The following TMEM150C variants were observed in gnomAD, a reference collection of about 807,000 sequenced individuals.
TMEM150C encodes the protein transmembrane protein 150C, also known as tentonin 3.
A neutral mutation model predicts 29.9 loss-of-function variants in TMEM150C; 10 were observed. The observed-to-expected ratio is 0.33, with a 90% CI of 0.21 to 0.57. The LOEUF is 0.57. Ranked by LOEUF, TMEM150C falls within the 20% of genes least tolerant of loss-of-function variation. The pLI, the probability that TMEM150C is intolerant of heterozygous loss-of-function variation, is 0.88. For synonymous variants in TMEM150C, 101 were observed against 112.5 expected, an observed-to-expected ratio of 0.90 and a Z score of 0.64; for missense variants, 251 against 303.6, an observed-to-expected ratio of 0.83 and a Z score of 1.29.
chr4:82,538,903 A>G (rs1205247746), intron 1 of TMEM150C, among the ~76,000 whole-genome samples: 1 of 152,006 alleles, frequency 6.6e-6, no homozygotes. Context: ...TATACCAAAA[A>G]TATTATACAA....
At chr4:82,558,164 G>T (rs1725800887) in intron 1 of TMEM150C, among the ~76,000 whole-genome samples, 2 of 152,048 alleles carry the variant, frequency 1.3e-5, no homozygotes, top group African/African-American at 4.8e-5. Context: ...AGGAAATATG[G>T]GGAGAAAATT....
intron 2 of TMEM150C, 33 bp downstream of exon 2, chr4:82,504,545 A>T: frequency 1.3e-6 from 2 of 1,577,562 alleles, no homozygotes; most frequent in African/African-American, 1.3e-5. Flanking sequence ...ATTGCACCTG[A>T]ATCCTTAAAT....
intron 5 of TMEM150C, among the ~76,000 whole-genome samples, chr4:82,502,350 AT>A (rs1202720789): frequency 6.6e-6 from 1 of 152,152 alleles, no homozygotes; most frequent in Non-Finnish European, 1.5e-5. Context: ...AAGCCCATGC[AT>A]TTTTTTCATC....
intron 5 of TMEM150C, among the ~76,000 whole-genome samples, chr4:82,499,966 G>A (rs1054935925): frequency 6.6e-6 from 1 of 152,126 alleles, no homozygotes; most frequent in South Asian, 2.1e-4. Flanking sequence ...GAAGGAGGGA[G>A]AGTGGCTGCT....
chr4:82,488,079 C>G (rs771045783), intron 7 of TMEM150C, among the ~76,000 whole-genome samples: 1 of 152,106 alleles, frequency 6.6e-6, no homozygotes, highest in East Asian at 1.9e-4. Flanking sequence ...GTCTTTTATC[C>G]CTCATCCCCC....
chr4:82,491,079 C>A, intron 6 of TMEM150C: 1 of 712,862 alleles, frequency 1.4e-6, no homozygotes, highest in South Asian at 1.4e-5. Context: ...CTTGATAATG[C>A]AGCAAGAGAC....
Position 82,549,907 on chromosome 4 carries a change from G to A in TMEM150C, c.-11+11999C>T, listed in dbSNP as rs536891906. ...AGAGGTACAGGACCACAGAAGAGAG[G>A]AATATAATAATAGAGCAAAAACCCT... On this transcript the variant is annotated intron_variant, in intron 1 of 7. Coordinates refer to ENST00000449862, the MANE Select transcript of TMEM150C (RefSeq NM_001080506.3). 3.9e-5 allele frequency among the ~76,000 whole-genome samples: 6 copies of A among 152,284 alleles called. No individual in the cohort carries two copies. The South Asian group carries it at 1.2e-3, about 32-fold the overall frequency.
intron 1 of TMEM150C, among the ~76,000 whole-genome samples, chr4:82,541,943 T>C (rs1292513147): frequency 6.6e-6 from 1 of 152,202 alleles, no homozygotes; most frequent in East Asian, 1.9e-4. Flanking sequence ...GTCTGGACTC[T>C]AGGGCTATAC....
At chr4:82,515,084 G>A (rs760985311) in intron 1 of TMEM150C, among the ~76,000 whole-genome samples, 3 of 152,096 alleles carry the variant, frequency 2.0e-5, no homozygotes, top group Middle Eastern at 3.2e-3. Flanking sequence ...GAGGTACATT[G>A]ATTCTGAGGT....
At chr4:82,538,876 C>G (rs1188546901) in intron 1 of TMEM150C, among the ~76,000 whole-genome samples, 1 of 152,080 alleles carries the variant, frequency 6.6e-6, no homozygotes, top group Non-Finnish European at 1.5e-5. Flanking sequence ...GCCTGGGCAA[C>G]ATGGCGAAAC....
intron 1 of TMEM150C, among the ~76,000 whole-genome samples, chr4:82,520,898 C>T (rs1480567170): frequency 6.6e-6 from 1 of 152,126 alleles, no homozygotes; most frequent in Non-Finnish European, 1.5e-5. Flanking sequence ...ACAAAACACA[C>T]ACAAAAACTG....
intron 1 of TMEM150C, among the ~76,000 whole-genome samples, chr4:82,556,863 G>A (rs1363182663): frequency 2.0e-5 from 3 of 152,104 alleles, no homozygotes; most frequent in Non-Finnish European, 4.4e-5. Context: ...TGTTATCAGG[G>A]GGTGTTAATA....
intron 1 of TMEM150C, among the ~76,000 whole-genome samples, chr4:82,538,507 T>C (rs79838280): frequency 0.046 from 6,979 of 151,658 alleles, 559 homozygotes; most frequent in African/African-American, 0.16. Context: ...AAAATGCTTA[T>C]ATATACAGAA....
intron 1 of TMEM150C, among the ~76,000 whole-genome samples, chr4:82,541,906 T>C (rs1725213253): frequency 6.6e-6 from 1 of 152,226 alleles, no homozygotes; most frequent in South Asian, 2.1e-4. Flanking sequence ...CCTTGCTCTA[T>C]AATATTATTT....
rs898558426 is a variant in TMEM150C at position 82,532,792 on chromosome 4, G to A, written c.-10-28125C>T. Among the ~76,000 whole-genome samples the A allele has an allele frequency of 3.3e-5, 5 of 150,826 alleles. No individual in the cohort carries two copies. In the East Asian group the frequency reaches 5.8e-4, roughly 18 times the overall value. On this transcript the variant is annotated intron_variant, in intron 1 of 7. Coordinates refer to ENST00000449862, the MANE Select transcript of TMEM150C (RefSeq NM_001080506.3). ...AGCCCAGGCTGGAGTGCAGTGGCAC[G>A]ATCTCCGCTCACTGCAAGCTCCACC...
At chr4:82,553,665 G>A (rs1578159642) in intron 1 of TMEM150C, among the ~76,000 whole-genome samples, 1 of 152,194 alleles carries the variant, frequency 6.6e-6, no homozygotes, top group East Asian at 1.9e-4. Context: ...CTGAGCCAAG[G>A]ACTGTGCTAG....
At chr4:82,503,678 G>A (rs1361050870) in intron 2 of TMEM150C, among the ~76,000 whole-genome samples, 4 of 151,918 alleles carry the variant, frequency 2.6e-5, no homozygotes, top group Admixed American at 6.6e-5. Flanking sequence ...GTGAAACCCC[G>A]ACTCTACTAA....
intron 1 of TMEM150C, among the ~76,000 whole-genome samples, chr4:82,527,017 G>GTTT (rs1402427675): frequency 7.5e-6 from 1 of 134,158 alleles, no homozygotes; most frequent in Non-Finnish European, 1.6e-5. Context: ...ATCATACTGG[G>GTTT]TCTTTTTTTT....
intron 6 of TMEM150C, chr4:82,494,866 C>A: frequency 2.0e-6 from 1 of 488,730 alleles, no homozygotes; most frequent in Non-Finnish European, 4.0e-6. Context: ...GACTTAGAAG[C>A]AGAAGCTCGC....
Sources: gnomAD v4.1 joint callset for allele counts (sites outside exome capture counted in the v4.1 genomes callset) on GRCh38, gnomAD v4.1.1 for gene constraint, MANE v1.5 for transcripts, NCBI Gene and HGNC (gene_info 2026-07-23, HGNC 2026-07-21) for gene names.